Variants in ZHX3 observed in about 807,000 individuals in gnomAD.
ZHX3 encodes zinc fingers and homeoboxes protein 3.
In ZHX3, 20 loss-of-function variants were observed where a neutral mutation model predicts 64.5. The observed-to-expected ratio is 0.31, with a 90% confidence interval of 0.22 to 0.45. The LOEUF (loss-of-function observed/expected upper bound fraction) is 0.45. Ranked by LOEUF, ZHX3 falls within the 20% of genes least tolerant of loss-of-function variation. ZHX3 has a pLI of 1.00. For missense variants in ZHX3, 1,041 were observed against 1,195.8 expected (o/e 0.87, Z 1.91); for synonymous variants, 423 against 461.6 (o/e 0.92, Z 1.07).
At chr20:41,316,601 G>A (rs2045293831) in intron 1 of ZHX3, among the ~76,000 whole-genome samples, 1 of 152,196 alleles carries the variant, frequency 6.6e-6, no homozygotes, top group South Asian at 2.1e-4. Context: ...TATATACTAT[G>A]TGTTCACATA....
At chr20:41,213,464 G>A (rs2039307739) in intron 2 of ZHX3, among the ~76,000 whole-genome samples, 1 of 152,182 alleles carries the variant, frequency 6.6e-6, no homozygotes, top group African/African-American at 2.4e-5. Flanking sequence ...TGTGGCCCTA[G>A]AGAAGCTGAA....
Position 41,317,642 on chromosome 20 carries a change from G to C in ZHX3, c.-378C>G, listed in dbSNP as rs1378727713. On this transcript the variant is annotated 5_prime_UTR_variant, in exon 1 of 4. Coordinates refer to ENST00000683867, the MANE Select transcript of ZHX3 (RefSeq NM_001384317.1). ...CGGCGGCGGCGACGCCGGAGCCGCG[G>C]ACTGCTGAGCGGCGGGGACGCAGCT... 1 of 150,276 alleles carries C rather than the reference G, an allele frequency of 6.7e-6. No individual in the cohort carries two copies. The highest frequency in any genetic ancestry group is 1.9e-4 in the East Asian group (1 of 5,136). 9.3% of individuals were successfully genotyped at this position (150,276 alleles called of 1,614,324 possible).
In ZHX3 at chr20:41,202,177, T is replaced by G. The variant is rs1183644707; in HGVS notation, c.2740A>C (p.Lys914Gln). ...TCTGAATAGGTGTCACCCATCCCTTTGTGAACTGCTGTGAGCTCACCAGTA... is the reference window on the plus strand; with the variant it reads ...TCTGAATAGGTGTCACCCATCCCTTGGTGAACTGCTGTGAGCTCACCAGTA... ...PGTGELTAVH[K>Q]GMGDTYSEVS... is the part of the protein sequence containing the mutation. Residue 914 changes from lysine to glutamine, a missense_variant, in exon 3 of 4, where the codon AAA becomes CAA. Lys to Gln is a moderately conservative substitution (Grantham distance 53). Transcript: ENST00000683867. This position sits in a 1 kb window ranked among gnomAD's most constrained non-coding sequence, Gnocchi z 7.0. The G allele has an allele frequency of 6.2e-7, 1 of 1,614,044 alleles. No individual in the cohort carries two copies. The highest frequency in any genetic ancestry group is 8.5e-7 in the Non-Finnish European group (1 of 1,180,022).
At chr20:41,295,252 C>T (rs1207563905) in intron 1 of ZHX3, among the ~76,000 whole-genome samples, 2 of 152,082 alleles carry the variant, frequency 1.3e-5, no homozygotes, top group Non-Finnish European at 2.9e-5. Context: ...ATACATAAAA[C>T]ACTTCAGTAG....
At chr20:41,193,302 A>G (rs1413632615) in intron 3 of ZHX3, among the ~76,000 whole-genome samples, 5 of 151,982 alleles carry the variant, frequency 3.3e-5, no homozygotes, top group East Asian at 1.9e-4. Flanking sequence ...ATATCTTTCT[A>G]TTTATTTAGG....
chr20:41,252,804 A>T (rs1365144927), intron 2 of ZHX3, among the ~76,000 whole-genome samples: 1 of 152,206 alleles, frequency 6.6e-6, no homozygotes, highest in Non-Finnish European at 1.5e-5. Context: ...TCTTTTATAA[A>T]ATGTTATCTT....
Position 41,203,199 on chromosome 20 carries a change from T to G in ZHX3, c.1718A>C (p.Glu573Ala). 1 of 1,614,164 alleles carries G rather than the reference T, an allele frequency of 6.2e-7. No homozygotes were observed. Among genetic ancestry groups the G allele is most frequent in the Non-Finnish European group, 8.5e-7 (1 of 1,180,032 alleles). The change falls in exon 3 of 4, where the codon GAG (glutamate) becomes GCG (alanine). Residue 573 changes from glutamate (E) to alanine (A), a missense_variant. Glu to Ala is a moderately radical substitution (Grantham distance 107). This residue lies in a region of ZHX3 where 649 missense variants were observed against 739.8 expected (regional missense o/e 0.88). Coordinates refer to ENST00000683867, the MANE Select transcript of ZHX3 (RefSeq NM_001384317.1). The surrounding 1 kb of genome is among the most constrained non-coding windows in gnomAD (Gnocchi z 7.1). ...CTTGGACGATGGGGAGAAGGACACCTCTGGCACAGAGTCAATGATGATGGA... is the reference window on the plus strand; with the variant it reads ...CTTGGACGATGGGGAGAAGGACACCGCTGGCACAGAGTCAATGATGATGGA... Reference protein sequence around the residue: ...HSSIIIDSVPEVSFSPSSKVP... With the variant: ...HSSIIIDSVPAVSFSPSSKVP...
intron 1 of ZHX3, among the ~76,000 whole-genome samples, chr20:41,295,850 C>CAA (rs756423849): frequency 1.6e-4 from 17 of 104,800 alleles, no homozygotes; most frequent in Non-Finnish European, 2.2e-4. Flanking sequence ...GACTCCGTCT[C>CAA]AAAAAAAAAA....
chr20:41,234,222 T>C (rs1048254486), intron 2 of ZHX3, among the ~76,000 whole-genome samples: 2 of 152,176 alleles, frequency 1.3e-5, no homozygotes, highest in Non-Finnish European at 2.9e-5. Context: ...CCCACAAAAC[T>C]GTGGGCTGAG....
chr20:41,240,852 T>C (rs2041333874), intron 2 of ZHX3, among the ~76,000 whole-genome samples: 2 of 152,242 alleles, frequency 1.3e-5, no homozygotes, highest in African/African-American at 4.8e-5. Context: ...TCTCATTCTT[T>C]TGTATCGTTG....
chr20:41,253,856 T>A (rs1179333726), intron 2 of ZHX3, among the ~76,000 whole-genome samples: 1 of 152,208 alleles, frequency 6.6e-6, no homozygotes, highest in East Asian at 1.9e-4. Flanking sequence ...AGTAAAATAC[T>A]GATGGCTGAA....
At chr20:41,282,039 G>A (rs1207374324) in intron 1 of ZHX3, among the ~76,000 whole-genome samples, 3 of 152,038 alleles carry the variant, frequency 2.0e-5, no homozygotes, top group Non-Finnish European at 4.4e-5. Flanking sequence ...TGGGCATGAG[G>A]GACAGAGTTG....
chr20:41,222,511 C>T (rs958188519), intron 2 of ZHX3, among the ~76,000 whole-genome samples: 3 of 152,074 alleles, frequency 2.0e-5, no homozygotes, highest in African/African-American at 7.2e-5. Flanking sequence ...TGCCAATGTT[C>T]CCAATGAAAA....
chr20:41,283,499 C>T (rs1385110574), intron 1 of ZHX3, among the ~76,000 whole-genome samples: 1 of 152,196 alleles, frequency 6.6e-6, no homozygotes, highest in African/African-American at 2.4e-5. Flanking sequence ...TAGCTCACGC[C>T]TGTAATCCCA....
chr20:41,205,334 T>G (rs1396160463), intron 2 of ZHX3, among the ~76,000 whole-genome samples: 1 of 152,250 alleles, frequency 6.6e-6, no homozygotes, highest in Non-Finnish European at 1.5e-5. Flanking sequence ...TACATATCCC[T>G]GCATTAAGTA....
rs1323480418 is a variant in ZHX3 at position 41,236,258 on chromosome 20, T to C, written c.-150-31192A>G. On this transcript the variant is annotated intron_variant, in intron 2 of 3. Coordinates refer to ENST00000683867, the MANE Select transcript of ZHX3 (RefSeq NM_001384317.1). Reference sequence around the variant, plus strand: ...GCTACCAATGACTTTCTTCACAGAATTGGAAAAAACTACTTTAAAGGTCAT... The same window carrying C: ...GCTACCAATGACTTTCTTCACAGAACTGGAAAAAACTACTTTAAAGGTCAT... Among the ~76,000 whole-genome samples the C allele has an allele frequency of 4.3e-4, 65 of 152,212 alleles. 1 individual carries two copies. The highest frequency in any genetic ancestry group is 4.0e-3 in the Admixed American group (61 of 15,290).
chr20:41,230,273 A>G (rs964036514), intron 2 of ZHX3, among the ~76,000 whole-genome samples: 1 of 152,044 alleles, frequency 6.6e-6, no homozygotes, highest in Non-Finnish European at 1.5e-5. Flanking sequence ...GTTGGACAGC[A>G]CTGCCTAGAT....
rs764944666 is a variant in ZHX3 at position 41,203,101 on chromosome 20, G to A, written c.1816C>T (p.His606Tyr). Residue 606 changes from histidine to tyrosine, a missense_variant, in exon 3 of 4, where the codon CAC (histidine) becomes TAC (tyrosine). Transcript: ENST00000683867. The surrounding 1 kb of genome is among the most constrained non-coding windows in gnomAD (Gnocchi z 7.1). ...THPSAKRQSWHQTPDFTPTKY... is the reference protein window; with the variant it reads ...THPSAKRQSWYQTPDFTPTKY... ...GTTGGTGTGAAGTCAGGAGTCTGGT[G>A]CCAAGATTGTCGTTTGGCAGAAGGG... is the stretch of plus-strand genomic sequence containing the variant. The A allele has an allele frequency of 1.2e-5, 20 of 1,614,030 alleles. No homozygotes were observed. The highest frequency in any genetic ancestry group is 7.7e-5 in the South Asian group (7 of 91,078).
chr20:41,198,435 T>G (rs1387654852), intron 3 of ZHX3, among the ~76,000 whole-genome samples: 1 of 152,176 alleles, frequency 6.6e-6, no homozygotes, highest in African/African-American at 2.4e-5. Context: ...GATTTCTCTT[T>G]CATTTTTGAA....
Sources: gnomAD v4.1 joint callset for allele counts (sites outside exome capture counted in the v4.1 genomes callset) on GRCh38, gnomAD v4.1.1 for gene constraint, gnomAD v4.1.1 regional missense constraint, Gnocchi (gnomAD v3.1) non-coding constraint, MANE v1.5 for transcripts, NCBI Gene and HGNC (gene_info 2026-07-23, HGNC 2026-07-21) for gene names.